The following CDH13 variants were observed in gnomAD, a reference collection of about 807,000 sequenced individuals.
CDH13 encodes cadherin 13, also known as cadherin-13.
A neutral mutation model predicts 63.8 loss-of-function variants in CDH13; 24 were observed. That is an observed-to-expected ratio of 0.38 (90% confidence interval 0.27 to 0.53). The LOEUF is 0.53. Among genes scored for constraint, CDH13 ranks in the 20% least tolerant of loss-of-function variants. CDH13 has a pLI of 0.85. For missense variants in CDH13, 1,049 were observed against 903.1 expected (o/e 1.16, Z -2.07); for synonymous variants, 503 against 355.3 (o/e 1.42, Z -4.67).
chr16:83,465,985 G>A (rs1567691293), intron 6 of CDH13, among the ~76,000 whole-genome samples: 1 of 152,190 alleles, frequency 6.6e-6, no homozygotes, highest in Non-Finnish European at 1.5e-5. Context: ...ACAGGGAGGA[G>A]AAGTCTCTTC....
chr16:83,479,728 C>T (rs1302642312), intron 6 of CDH13, among the ~76,000 whole-genome samples: 2 of 152,060 alleles, frequency 1.3e-5, no homozygotes, highest in Non-Finnish European at 2.9e-5. Context: ...TTAATTTGTG[C>T]ATTCTCAAAG....
chr16:83,666,371 A>G (rs192180281), intron 8 of CDH13, among the ~76,000 whole-genome samples: 13 of 152,386 alleles, frequency 8.5e-5, no homozygotes, highest in South Asian at 2.1e-4. Context: ...TTCATAGTTT[A>G]TGCAGAAATC....
chr16:83,656,890 G>A (rs527504915), intron 8 of CDH13, among the ~76,000 whole-genome samples: 3 of 152,292 alleles, frequency 2.0e-5, no homozygotes, highest in East Asian at 3.9e-4. Context: ...TTTAGGGATC[G>A]ACACTGCTGG....
chr16:82,703,190 C>T (rs1276083070), intron 1 of CDH13, among the ~76,000 whole-genome samples: 1 of 149,206 alleles, frequency 6.7e-6, no homozygotes, highest in Non-Finnish European at 1.5e-5. Flanking sequence ...ACATACTACA[C>T]ACACTGGATG....
intron 6 of CDH13, among the ~76,000 whole-genome samples, chr16:83,470,691 C>T (rs1248582826): frequency 6.6e-6 from 1 of 152,188 alleles, no homozygotes; most frequent in Non-Finnish European, 1.5e-5. Flanking sequence ...CAACCACAGG[C>T]TCAGCAGATA....
chr16:82,968,706 G>T (rs1390642782), intron 2 of CDH13, among the ~76,000 whole-genome samples: 1 of 152,142 alleles, frequency 6.6e-6, no homozygotes, highest in Non-Finnish European at 1.5e-5. Flanking sequence ...AGCTCTAGAA[G>T]CCCTGGTATA....
Position 83,193,805 on chromosome 16 carries a change from C to A in CDH13, c.484-23540C>A, listed in dbSNP as rs566502448. On this transcript the variant is annotated intron_variant, in intron 4 of 13. Coordinates refer to ENST00000567109, the MANE Select transcript of CDH13 (RefSeq NM_001257.5). ...TTTGATTAACAGCTCTTAAAAAAATCATTCCACCTATTTAGTGTTCTGCTT... is the reference window on the plus strand; with the variant it reads ...TTTGATTAACAGCTCTTAAAAAAATAATTCCACCTATTTAGTGTTCTGCTT... Among the ~76,000 whole-genome samples the A allele has an allele frequency of 2.0e-5, 3 of 152,304 alleles. No individual in the cohort carries two copies. In the South Asian group the frequency reaches 6.2e-4, roughly 32 times the overall value.
chr16:83,699,401 G>A (rs777144804), intron 10 of CDH13, among the ~76,000 whole-genome samples: 4 of 152,220 alleles, frequency 2.6e-5, no homozygotes, highest in Non-Finnish European at 5.9e-5. Context: ...GTGATAAGTT[G>A]ATAAGTCCTG....
intron 7 of CDH13, among the ~76,000 whole-genome samples, chr16:83,529,192 T>G (rs189712046): frequency 5.3e-4 from 81 of 151,586 alleles, no homozygotes; most frequent in African/African-American, 1.9e-3. Flanking sequence ...AAGCAGTACA[T>G]AGTATTTATG....
chr16:82,672,221 C>T (rs1300709439), intron 1 of CDH13, among the ~76,000 whole-genome samples: 1 of 152,164 alleles, frequency 6.6e-6, no homozygotes, highest in Non-Finnish European at 1.5e-5. Context: ...GAAATAATAA[C>T]AATAACTATC....
chr16:83,491,780 A>G (rs1289402496), intron 7 of CDH13, among the ~76,000 whole-genome samples: 2 of 152,206 alleles, frequency 1.3e-5, no homozygotes, highest in Non-Finnish European at 2.9e-5. Context: ...GAAAATGTAC[A>G]TATAATACAA....
chr16:83,429,116 G>A (rs866471496), intron 6 of CDH13, among the ~76,000 whole-genome samples: 3 of 152,212 alleles, frequency 2.0e-5, no homozygotes, highest in Non-Finnish European at 2.9e-5. Flanking sequence ...TTGGCAGTGG[G>A]AGAGGATATT....
chr16:83,672,671 C>T (rs1043790510), intron 9 of CDH13, among the ~76,000 whole-genome samples: 6 of 151,922 alleles, frequency 3.9e-5, no homozygotes, highest in South Asian at 2.1e-4. Flanking sequence ...GTGATCTGCC[C>T]GCCTTGGCCT....
chr16:82,627,533 C>G (rs1907473293), intron 1 of CDH13, among the ~76,000 whole-genome samples: 1 of 152,192 alleles, frequency 6.6e-6, no homozygotes, highest in African/African-American at 2.4e-5. Context: ...CTCCAACGAG[C>G]CGCGGTTTTC....
chr16:83,658,514 C>A (rs201111686), intron 8 of CDH13, among the ~76,000 whole-genome samples: 5 of 87,710 alleles, frequency 5.7e-5, no homozygotes, highest in East Asian at 4.1e-4. Flanking sequence ...CCCATGTCCT[C>A]ACCACCAGGT....
At chr16:83,714,998 A>C (rs76054252) in intron 10 of CDH13, among the ~76,000 whole-genome samples, 20,568 of 152,206 alleles carry the variant, frequency 0.14, 1,615 homozygotes, top group Middle Eastern at 0.26. Context: ...TTATTTGCTG[A>C]GCAAGGACTT....
intron 1 of CDH13, among the ~76,000 whole-genome samples, chr16:82,723,735 GT>G (rs2032925411): frequency 6.6e-6 from 1 of 152,176 alleles, no homozygotes. Context: ...AAATTTTGGA[GT>G]TATTTTCTTT....
chr16:82,903,249 C>T (rs956223517), intron 2 of CDH13, among the ~76,000 whole-genome samples: 29 of 152,108 alleles, frequency 1.9e-4, no homozygotes, highest in African/African-American at 6.8e-4. Flanking sequence ...AACATTTGGC[C>T]CAGCACCTTG....
chr16:83,406,323 C>T (rs1597946669), intron 6 of CDH13, among the ~76,000 whole-genome samples: 1 of 152,278 alleles, frequency 6.6e-6, no homozygotes, highest in South Asian at 2.1e-4. Context: ...CCTGAATCTC[C>T]CACCATCCTC....
Sources: gnomAD v4.1 joint callset for allele counts (sites outside exome capture counted in the v4.1 genomes callset) on GRCh38, gnomAD v4.1.1 for gene constraint, MANE v1.5 for transcripts, NCBI Gene and HGNC (gene_info 2026-07-23, HGNC 2026-07-21) for gene names.